Variants in GPC6 observed in about 807,000 individuals in gnomAD.
GPC6 encodes glypican 6.
GPC6 carries 14 observed loss-of-function variants against 55.2 expected under a neutral mutation model. That is an observed-to-expected ratio of 0.25 (90% CI 0.17 to 0.40). The LOEUF (loss-of-function observed/expected upper bound fraction) is 0.40. Ranked by LOEUF, GPC6 falls within the 10% of genes least tolerant of loss-of-function variation. GPC6 has a pLI of 1.00. For missense variants in GPC6, 641 were observed against 708.5 expected (o/e 0.90, Z 1.08); for synonymous variants, 278 against 259.6 (o/e 1.07, Z -0.68).
intron 6 of GPC6, among the ~76,000 whole-genome samples, chr13:94,381,083 TTGA>T (rs1376537561): frequency 6.6e-6 from 1 of 152,200 alleles, no homozygotes; most frequent in African/African-American, 2.4e-5. Flanking sequence ...GCTTCATCAC[TTGA>T]TGAAGGTGGC....
intron 5 of GPC6, among the ~76,000 whole-genome samples, chr13:94,290,347 A>G (rs1172027779): frequency 6.7e-6 from 1 of 149,926 alleles, no homozygotes; most frequent in Admixed American, 6.7e-5. Context: ...CTTGAGTCAG[A>G]GAGGTCGAGG....
chr13:93,606,526 T>C (rs990183013), intron 2 of GPC6, among the ~76,000 whole-genome samples: 17 of 152,206 alleles, frequency 1.1e-4, no homozygotes, highest in African/African-American at 3.9e-4. Context: ...ACATCTAGGT[T>C]AAATATGTTG....
chr13:93,609,612 T>C (rs1012518309), intron 2 of GPC6, among the ~76,000 whole-genome samples: 1 of 152,214 alleles, frequency 6.6e-6, no homozygotes, highest in Non-Finnish European at 1.5e-5. Context: ...CCACTGTTTT[T>C]GGTTTTGCTG....
At position 93,907,067 on chromosome 13, in the gene GPC6, A is replaced by T. The variant is rs1218918128; in HGVS notation, c.711+76522A>T. Reference sequence around the variant, plus strand: ...AGACTAGAGATAGGAGAAACTTAGTAAAAAGAAATAATTCATTTTGTAAGA... The same window carrying T: ...AGACTAGAGATAGGAGAAACTTAGTTAAAAGAAATAATTCATTTTGTAAGA... On this transcript the variant is annotated intron_variant, in intron 3 of 8. Coordinates refer to ENST00000377047, the MANE Select transcript of GPC6 (RefSeq NM_005708.5). 3.9e-5 allele frequency among the ~76,000 whole-genome samples: 6 copies of T among 152,196 alleles called. No individual in the cohort carries two copies. The East Asian group carries it at 1.2e-3, about 29-fold the overall frequency.
At chr13:93,239,932 T>C (rs1255595904) in intron 1 of GPC6, among the ~76,000 whole-genome samples, 1 of 152,092 alleles carries the variant, frequency 6.6e-6, no homozygotes, top group Non-Finnish European at 1.5e-5. Flanking sequence ...CACATATTTG[T>C]ATAGTTTTGG....
At chr13:93,551,664 A>T in intron 2 of GPC6, among the ~76,000 whole-genome samples, 1 of 152,204 alleles carries the variant, frequency 6.6e-6, no homozygotes, top group East Asian at 1.9e-4. Context: ...ACAAGAGATT[A>T]TACTACTCCC....
chr13:94,023,288 T>G (rs1158463552), intron 3 of GPC6, among the ~76,000 whole-genome samples: 1 of 151,942 alleles, frequency 6.6e-6, no homozygotes, highest in Non-Finnish European at 1.5e-5. Context: ...ACATATAGAC[T>G]TATCTAATTT....
At chr13:94,346,860 G>A (rs1341144837) in intron 6 of GPC6, among the ~76,000 whole-genome samples, 1 of 152,062 alleles carries the variant, frequency 6.6e-6, no homozygotes, top group Non-Finnish European at 1.5e-5. Flanking sequence ...AATGAAGAGA[G>A]CTTACCTGGC....
intron 2 of GPC6, among the ~76,000 whole-genome samples, chr13:93,665,984 A>C (rs553890818): frequency 4.1e-4 from 62 of 152,318 alleles, no homozygotes; most frequent in Middle Eastern, 3.4e-3. Context: ...TTTAACAATT[A>C]GGCAATTGGC....
intron 4 of GPC6, among the ~76,000 whole-genome samples, chr13:94,037,379 G>A (rs1317298453): frequency 6.6e-6 from 1 of 151,908 alleles, no homozygotes; most frequent in African/African-American, 2.4e-5. Flanking sequence ...ATGTTTAAAT[G>A]TGTCTTGCTA....
chr13:94,132,920 C>CA (rs1353438494), intron 4 of GPC6, among the ~76,000 whole-genome samples: 7 of 151,704 alleles, frequency 4.6e-5, no homozygotes, highest in African/African-American at 1.5e-4. Flanking sequence ...AAGACAATTG[C>CA]AAAAAATAAA....
chr13:93,269,419 C>G (rs1877433384), intron 1 of GPC6, among the ~76,000 whole-genome samples: 1 of 152,048 alleles, frequency 6.6e-6, no homozygotes, highest in South Asian at 2.1e-4. Context: ...TTGTATTTAT[C>G]AATATAATGA....
chr13:93,936,765 A>G (rs1262639069), intron 3 of GPC6, among the ~76,000 whole-genome samples: 2 of 152,202 alleles, frequency 1.3e-5, no homozygotes, highest in South Asian at 2.1e-4. Flanking sequence ...ATCTCATTCA[A>G]TGCAAACCAC....
At chr13:93,609,743 T>G (rs976516287) in intron 2 of GPC6, among the ~76,000 whole-genome samples, 5 of 152,208 alleles carry the variant, frequency 3.3e-5, no homozygotes, top group South Asian at 4.1e-4. Flanking sequence ...TTATTTCACT[T>G]GGCTGTCATG....
intron 1 of GPC6, among the ~76,000 whole-genome samples, chr13:93,376,334 A>G (rs1276007294): frequency 6.6e-6 from 1 of 152,196 alleles, no homozygotes; most frequent in Non-Finnish European, 1.5e-5. Flanking sequence ...ATATAGTCAT[A>G]TAAAAGTGAG....
chr13:93,746,324 T>G lies in GPC6; in HGVS notation c.320-83830T>G, dbSNP rs148043911. Among the ~76,000 whole-genome samples the G allele has an allele frequency of 5.3e-5, 8 of 152,276 alleles. No individual in the cohort carries two copies. In the East Asian group the frequency reaches 1.5e-3, roughly 29 times the overall value. On this transcript the variant is annotated intron_variant, in intron 2 of 8. Coordinates refer to ENST00000377047, the MANE Select transcript of GPC6 (RefSeq NM_005708.5). The stretch of plus-strand genomic sequence containing the variant: ...ATTTGCCAGAACAAATATTTAATGT[T>G]GATAAACTGAGCTTATTCTGGAAGC...
chr13:93,374,391 G>A (rs1246492907), intron 1 of GPC6, among the ~76,000 whole-genome samples: 2 of 152,112 alleles, frequency 1.3e-5, no homozygotes, highest in African/African-American at 4.8e-5. Context: ...GGAAGTTGAT[G>A]AGTGGCAAGG....
At chr13:93,524,725 C>T (rs1881582131) in intron 1 of GPC6, among the ~76,000 whole-genome samples, 2 of 152,046 alleles carry the variant, frequency 1.3e-5, no homozygotes, top group Non-Finnish European at 2.9e-5. Flanking sequence ...AGATAGAATG[C>T]ACTCAGCTAC....
At position 93,473,888 on chromosome 13, in the gene GPC6, A is replaced by G. The variant is rs574922779; in HGVS notation, c.161-71375A>G. Reference sequence around the variant, plus strand: ...GCCTCTGGGTAGGTCCCACCTGGCTATGTGAAGGTGGGGGTGGTGTGGTTG... The same window carrying G: ...GCCTCTGGGTAGGTCCCACCTGGCTGTGTGAAGGTGGGGGTGGTGTGGTTG... On this transcript the variant is annotated intron_variant, in intron 1 of 8. Coordinates refer to ENST00000377047, the MANE Select transcript of GPC6 (RefSeq NM_005708.5). Among the ~76,000 whole-genome samples the G allele has an allele frequency of 5.3e-5, 8 of 152,206 alleles. No homozygotes were observed. In the East Asian group the frequency reaches 5.8e-4, roughly 11 times the overall value.
Sources: allele counts gnomAD v4.1 joint callset (sites outside exome capture counted in the v4.1 genomes callset), GRCh38; gene constraint gnomAD v4.1.1; transcripts MANE v1.5; gene names NCBI Gene and HGNC (gene_info 2026-07-23, HGNC 2026-07-21).